The following SGCD variants were observed in gnomAD, a reference collection of about 807,000 sequenced individuals.
The protein encoded by SGCD is sarcoglycan delta.
A neutral mutation model predicts 36.6 loss-of-function variants in SGCD; 18 were observed. The ratio of observed to expected loss-of-function variants is 0.49; its 90% CI spans 0.34 to 0.73. The LOEUF (loss-of-function observed/expected upper bound fraction) is 0.73. Among genes scored for constraint, SGCD ranks in the 30% least tolerant of loss-of-function variants. The pLI is 0.01. For synonymous variants in SGCD, 133 were observed against 130.6 expected, an observed-to-expected ratio of 1.02 and a Z score of -0.12; for missense variants, 387 against 346.7, an observed-to-expected ratio of 1.12 and a Z score of -0.92.
the SGCD span, among the ~76,000 whole-genome samples, chr5:155,753,987 T>C: frequency 6.6e-6 from 1 of 152,166 alleles, no homozygotes; most frequent in African/African-American, 2.4e-5. Context: ...CATATCGTCT[T>C]GCACTGACAT....
chr5:156,616,960 A>G (rs950366540), intron 6 of SGCD, among the ~76,000 whole-genome samples: 2 of 152,186 alleles, frequency 1.3e-5, no homozygotes, highest in African/African-American at 2.4e-5. Context: ...AATATCTACT[A>G]TCTGGCCCTT....
intron 7 of SGCD, among the ~76,000 whole-genome samples, chr5:156,736,474 CAGAAG>C (rs1756371580): frequency 6.8e-6 from 1 of 146,758 alleles, no homozygotes; most frequent in Non-Finnish European, 1.5e-5. Context: ...TGAAGCTGAA[CAGAAG>C]AGATTTCCAT....
At chr5:156,230,309 C>T (rs886279784) in intron 3 of SGCD, among the ~76,000 whole-genome samples, 2 of 152,110 alleles carry the variant, frequency 1.3e-5, no homozygotes, top group African/African-American at 2.4e-5. Flanking sequence ...TTTGGGTAGG[C>T]TCTGTCAGAG....
chr5:156,040,054 A>G (rs1401076732), intron 1 of SGCD, among the ~76,000 whole-genome samples: 8 of 152,180 alleles, frequency 5.3e-5, no homozygotes, highest in Admixed American at 4.6e-4. Context: ...GGAGATTAGC[A>G]AAGAGCTGTC....
At chr5:156,185,763 G>T (rs1763727481) in intron 3 of SGCD, among the ~76,000 whole-genome samples, 1 of 149,656 alleles carries the variant, frequency 6.7e-6, no homozygotes, top group Non-Finnish European at 1.5e-5. Context: ...CACTTCTGTT[G>T]TGAGACTTTT....
chr5:156,743,441 T>G (rs554716001), intron 7 of SGCD, among the ~76,000 whole-genome samples: 1 of 152,314 alleles, frequency 6.6e-6, no homozygotes, highest in South Asian at 2.1e-4. Flanking sequence ...CATTATCTAC[T>G]TTGTTTAAAT....
intron 3 of SGCD, among the ~76,000 whole-genome samples, chr5:156,465,124 G>T (rs1754664731): frequency 6.6e-6 from 1 of 152,074 alleles, no homozygotes. Context: ...TCAGGGAGGG[G>T]CGTGTGTGAT....
At chr5:155,921,761 C>T (rs1479228451) in intron 1 of SGCD, among the ~76,000 whole-genome samples, 1 of 152,182 alleles carries the variant, frequency 6.6e-6, no homozygotes, top group Admixed American at 6.5e-5. Context: ...TCTTCATAAT[C>T]ACAGGCAGTG....
At chr5:156,029,466 GA>G (rs1759295569) in intron 1 of SGCD, among the ~76,000 whole-genome samples, 1 of 152,150 alleles carries the variant, frequency 6.6e-6, no homozygotes, top group South Asian at 2.1e-4. Context: ...AAGCCTTGGA[GA>G]TACTGTAGTA....
chr5:155,875,122 A>G (rs776372760), intron 1 of SGCD, among the ~76,000 whole-genome samples: 7 of 152,136 alleles, frequency 4.6e-5, no homozygotes, highest in Non-Finnish European at 1.0e-4. Flanking sequence ...AGGAATTTCA[A>G]AATGATGCTG....
intron 3 of SGCD, among the ~76,000 whole-genome samples, chr5:156,201,440 C>T (rs1164908292): frequency 1.3e-5 from 2 of 152,158 alleles, no homozygotes; most frequent in African/African-American, 4.8e-5. Context: ...CCCACTGTAG[C>T]AATGAGCAAA....
intron 3 of SGCD, among the ~76,000 whole-genome samples, chr5:156,506,832 C>T (rs1756722034): frequency 1.3e-5 from 2 of 152,144 alleles, no homozygotes; most frequent in African/African-American, 2.4e-5. Context: ...TCTGTCAATT[C>T]CTCTACAAAC....
chr5:156,104,026 A>G (rs1581101214), intron 1 of SGCD, among the ~76,000 whole-genome samples: 1 of 152,162 alleles, frequency 6.6e-6, no homozygotes. Flanking sequence ...ATTAATGAAT[A>G]TAATGACCCA....
intron 3 of SGCD, among the ~76,000 whole-genome samples, chr5:156,274,882 C>A (rs181259006): frequency 9.4e-4 from 143 of 152,206 alleles, no homozygotes; most frequent in Admixed American, 2.6e-3. Flanking sequence ...CAAGGAGTTG[C>A]AAGCTCAAAC....
At chr5:156,422,385 A>T (rs938807361) in intron 3 of SGCD, among the ~76,000 whole-genome samples, 27 of 151,988 alleles carry the variant, frequency 1.8e-4, no homozygotes, top group African/African-American at 6.5e-4. Flanking sequence ...CACACGTCAA[A>T]GAAAAGCCTG....
At chr5:156,542,459 C>T (rs1471803034) in intron 4 of SGCD, among the ~76,000 whole-genome samples, 2 of 152,136 alleles carry the variant, frequency 1.3e-5, no homozygotes, top group African/African-American at 4.8e-5. Context: ...AATGATTTAT[C>T]TACATTGTAT....
intron 3 of SGCD, among the ~76,000 whole-genome samples, chr5:156,168,821 G>A (rs56064711): frequency 6.6e-6 from 1 of 152,194 alleles, no homozygotes; most frequent in African/African-American, 2.4e-5. Context: ...AGAGATAGAA[G>A]AGTAAGGCTC....
chr5:156,136,034 G>A lies in SGCD; in HGVS notation c.-44+12015G>A, dbSNP rs527925205. Among the ~76,000 whole-genome samples, 7 of 152,154 alleles carry A rather than the reference G, an allele frequency of 4.6e-5. No homozygotes were observed. In the South Asian group the frequency reaches 1.0e-3, roughly 23 times the overall value. ...GGTGGTAAAAACTCCCTCACAAATC[G>A]AAATACAGTCTGTTTATCTAGTTAC... is the stretch of plus-strand genomic sequence containing the variant. On this transcript the variant is annotated intron_variant, in intron 3 of 9. Transcript: ENST00000517913.
intron 7 of SGCD, among the ~76,000 whole-genome samples, chr5:156,680,970 T>C (rs912426424): frequency 1.3e-5 from 2 of 151,236 alleles, no homozygotes; most frequent in African/African-American, 2.4e-5. Flanking sequence ...GGAACCAGAG[T>C]GAAGGAACAC....
Sources: gnomAD v4.1 joint callset for allele counts (sites outside exome capture counted in the v4.1 genomes callset) on GRCh38, gnomAD v4.1.1 for gene constraint, MANE v1.5 for transcripts, NCBI Gene and HGNC (gene_info 2026-07-23, HGNC 2026-07-21) for gene names.